The following NCAM2 variants were observed in gnomAD, a reference collection of about 807,000 sequenced individuals.
NCAM2 encodes N-CAM-2.
A neutral mutation model predicts 98.1 loss-of-function variants in NCAM2; 30 were observed. The observed-to-expected ratio is 0.31, with a 90% CI of 0.23 to 0.41. NCAM2 has a LOEUF of 0.41. Among genes scored for constraint, NCAM2 ranks in the 10% least tolerant of loss-of-function variants. NCAM2 has a pLI of 1.00. For missense variants in NCAM2, 867 were observed against 1,005.8 expected (o/e 0.86, Z 1.87); for synonymous variants, 368 against 342.4 (o/e 1.07, Z -0.83).
At chr21:21,218,133 G>A (rs185011709) in intron 1 of NCAM2, among the ~76,000 whole-genome samples, 1 of 152,220 alleles carries the variant, frequency 6.6e-6, no homozygotes, top group East Asian at 1.9e-4. Context: ...CATTTATTAC[G>A]GCAAAAATAG....
Position 21,522,614 on chromosome 21 carries a change from T to C in NCAM2, c.2283-11923T>C, listed in dbSNP as rs140524323. ...TGCAAGAAATGCTTGAACAAGTTCT[T>C]TTTTTCTTTTTCTTTTTCTTTTTTT... On this transcript the variant is annotated intron_variant, in intron 16 of 17. Transcript: ENST00000400546. 1.8e-4 allele frequency among the ~76,000 whole-genome samples: 23 copies of C among 128,742 alleles called. No individual in the cohort carries two copies. The East Asian group carries it at 5.3e-3, about 30-fold the overall frequency. The allele number at this position is 128,742 out of a possible 152,430, so 84.5% of individuals were successfully genotyped here. A position where few individuals can be genotyped will look rare whatever the true frequency, so the allele number is the denominator to read the frequency against.
intron 5 of NCAM2, among the ~76,000 whole-genome samples, chr21:21,302,204 A>T (rs1377432509): frequency 6.6e-6 from 1 of 151,920 alleles, no homozygotes; most frequent in Non-Finnish European, 1.5e-5. Flanking sequence ...AAAGACTTGG[A>T]ACCAACCCAA....
chr21:21,047,033 T>C (rs557770425), intron 1 of NCAM2, among the ~76,000 whole-genome samples: 30 of 100,338 alleles, frequency 3.0e-4, no homozygotes, highest in African/African-American at 1.1e-3. Flanking sequence ...AGCTGCTTTA[T>C]GAAACAGCTT....
intron 12 of NCAM2, among the ~76,000 whole-genome samples, chr21:21,452,143 C>T (rs1211780219): frequency 6.7e-6 from 1 of 149,918 alleles, no homozygotes; most frequent in Admixed American, 6.8e-5. Flanking sequence ...TTTTTTATCT[C>T]CTCTGATTTA....
At chr21:21,327,561 C>G (rs1022926949) in intron 6 of NCAM2, among the ~76,000 whole-genome samples, 1 of 151,990 alleles carries the variant, frequency 6.6e-6, no homozygotes, top group Non-Finnish European at 1.5e-5. Context: ...AATTGGTTGC[C>G]TGGGACTGGA....
intron 1 of NCAM2, among the ~76,000 whole-genome samples, chr21:21,166,663 TTTTAATATTATACA>T (rs921084879): frequency 6.6e-6 from 1 of 152,226 alleles, no homozygotes; most frequent in African/African-American, 2.4e-5. Flanking sequence ...AGTTACTTAC[TTTTAATATTATACA>T]TTGCTAGAGT....
intron 1 of NCAM2, among the ~76,000 whole-genome samples, chr21:21,184,131 C>A: frequency 6.6e-6 from 1 of 151,770 alleles, no homozygotes. Flanking sequence ...TATTATTGTA[C>A]AATTTTTGTT....
chr21:21,178,239 A>G (rs77498166), intron 1 of NCAM2, among the ~76,000 whole-genome samples: 4,818 of 152,230 alleles, frequency 0.032, 247 homozygotes, highest in African/African-American at 0.11. Context: ...TTTATTCCTT[A>G]TAGAACAGTG....
intron 1 of NCAM2, among the ~76,000 whole-genome samples, chr21:21,092,361 T>A (rs2205333): frequency 6.6e-6 from 1 of 151,756 alleles, no homozygotes; most frequent in African/African-American, 2.4e-5. Context: ...AATTTAAATA[T>A]TAAAAATAAT....
chr21:21,470,039 A>G (rs1245253201), intron 14 of NCAM2, among the ~76,000 whole-genome samples: 1 of 152,062 alleles, frequency 6.6e-6, no homozygotes, highest in Non-Finnish European at 1.5e-5. Flanking sequence ...GGGGATAGTA[A>G]CAGTTTGTAA....
intron 1 of NCAM2, among the ~76,000 whole-genome samples, chr21:21,086,878 T>G (rs1048126714): frequency 5.3e-5 from 8 of 151,714 alleles, no homozygotes; most frequent in Non-Finnish European, 1.2e-4. Flanking sequence ...CTTCACAATT[T>G]TATTCAGTGT....
At chr21:21,114,674 G>A (rs2066517632) in intron 1 of NCAM2, among the ~76,000 whole-genome samples, 1 of 152,166 alleles carries the variant, frequency 6.6e-6, no homozygotes, top group African/African-American at 2.4e-5. Flanking sequence ...CCACTGATCA[G>A]TATCTTTTTG....
intron 9 of NCAM2, among the ~76,000 whole-genome samples, chr21:21,383,225 C>T (rs2076196963): frequency 6.6e-6 from 1 of 152,060 alleles, no homozygotes; most frequent in Non-Finnish European, 1.5e-5. Context: ...GTTTTGTGTT[C>T]CATCCTGTCA....
chr21:21,153,767 A>G (rs1001739009), intron 1 of NCAM2, among the ~76,000 whole-genome samples: 10 of 151,894 alleles, frequency 6.6e-5, no homozygotes, highest in Admixed American at 5.3e-4. Context: ...TATGATGGAA[A>G]AGTACATTCA....
intron 6 of NCAM2, among the ~76,000 whole-genome samples, chr21:21,328,204 A>T (rs986444953): frequency 6.6e-6 from 1 of 152,168 alleles, no homozygotes; most frequent in African/African-American, 2.4e-5. Context: ...ATCATAGCTC[A>T]ACATATTACT....
intron 9 of NCAM2, among the ~76,000 whole-genome samples, chr21:21,393,466 C>A (rs537387731): frequency 6.6e-6 from 1 of 152,100 alleles, no homozygotes; most frequent in African/African-American, 2.4e-5. Context: ...CTTACCATAC[C>A]AAAATTTTTT....
intron 11 of NCAM2, among the ~76,000 whole-genome samples, chr21:21,418,985 C>T (rs1157420140): frequency 1.3e-4 from 20 of 151,988 alleles, no homozygotes; most frequent in Non-Finnish European, 2.9e-5. Flanking sequence ...TCACATGTTC[C>T]CTGTAAATAT....
chr21:21,180,688 A>C (rs201173981), intron 1 of NCAM2, among the ~76,000 whole-genome samples: 1 of 145,256 alleles, frequency 6.9e-6, no homozygotes, highest in Non-Finnish European at 1.5e-5. Flanking sequence ...ACATTCACTA[A>C]TTAGTTTTTG....
At chr21:21,398,178 C>T (rs1419798757) in intron 9 of NCAM2, among the ~76,000 whole-genome samples, 1 of 152,116 alleles carries the variant, frequency 6.6e-6, no homozygotes, top group Non-Finnish European at 1.5e-5. Flanking sequence ...TGCCAAACAT[C>T]AAATGTTCAT....
Sources: gnomAD v4.1 joint callset for allele counts (sites outside exome capture counted in the v4.1 genomes callset) on GRCh38, gnomAD v4.1.1 for gene constraint, MANE v1.5 for transcripts, NCBI Gene and HGNC (gene_info 2026-07-23, HGNC 2026-07-21) for gene names.